Variants in SEMA6D observed in about 807,000 individuals in gnomAD.
SEMA6D encodes the protein semaphorin 6D.
SEMA6D carries 35 observed loss-of-function variants against 106.6 expected under a neutral mutation model. That is an observed-to-expected ratio of 0.33 (90% CI 0.25 to 0.44). The LOEUF is 0.44. SEMA6D is among the 20% of genes least tolerant of loss of function. The pLI is 1.00. For missense variants in SEMA6D, 1,185 were observed against 1,345.9 expected (o/e 0.88, Z 1.87); for synonymous variants, 499 against 487.7 (o/e 1.02, Z -0.31).
chr15:47,272,999 C>T (rs545628293), intron 1 of SEMA6D: 3 of 152,132 alleles, frequency 2.0e-5, no homozygotes, highest in Non-Finnish European at 4.4e-5. Context: ...CCCAAGATCC[C>T]CTCAATTTCC....
intron 1 of SEMA6D, among the ~76,000 whole-genome samples, chr15:47,736,633 TC>T (rs1363448798): frequency 6.6e-6 from 1 of 152,194 alleles, no homozygotes; most frequent in Non-Finnish European, 1.5e-5. Context: ...TGTCCTTACT[TC>T]CTGCTGTCAT....
At chr15:47,291,926 C>T (rs80142847) in intron 1 of SEMA6D, among the ~76,000 whole-genome samples, 3,407 of 152,220 alleles carry the variant, frequency 0.022, 130 homozygotes, top group African/African-American at 0.078. Flanking sequence ...CCTCTGTTCT[C>T]GCGTGAAATC....
intron 1 of SEMA6D, among the ~76,000 whole-genome samples, chr15:47,354,940 T>A (rs2038507913): frequency 6.6e-6 from 1 of 152,202 alleles, no homozygotes; most frequent in Admixed American, 6.5e-5. Context: ...GTTCCATGAA[T>A]TCATCAGATG....
intron 3 of SEMA6D, among the ~76,000 whole-genome samples, chr15:47,520,706 A>G (rs1045338092): frequency 6.6e-6 from 1 of 152,198 alleles, no homozygotes; most frequent in Non-Finnish European, 1.5e-5. Flanking sequence ...ATGGTGTGAG[A>G]CAGAAGAGTG....
chr15:47,416,859 C>G lies in SEMA6D; in HGVS notation c.-159+4387C>G, dbSNP rs531466084. 1.4e-4 allele frequency among the ~76,000 whole-genome samples: 21 copies of G among 152,178 alleles called. No individual in the cohort carries two copies. In the East Asian group the frequency reaches 4.1e-3, roughly 29 times the overall value. ...CACCCCCTATTACTTTGCAGCTGAT[C>G]AAAATAGCCCATGACTAACAATAGG... On this transcript the variant is annotated intron_variant, in intron 2 of 19. Coordinates refer to the SEMA6D transcript ENST00000558014.
intron 1 of SEMA6D, among the ~76,000 whole-genome samples, chr15:47,281,595 C>G (rs987223518): frequency 1.3e-5 from 2 of 151,906 alleles, no homozygotes; most frequent in East Asian, 1.9e-4. Flanking sequence ...TTATTTTGCT[C>G]GTTAGTTGAT....
chr15:47,540,262 T>A (rs2045314010), intron 3 of SEMA6D, among the ~76,000 whole-genome samples: 1 of 152,132 alleles, frequency 6.6e-6, no homozygotes, highest in Non-Finnish European at 1.5e-5. Flanking sequence ...ATAAACGAGA[T>A]TTGCCTGTAG....
At chr15:47,471,160 C>T (rs1342776099) in intron 3 of SEMA6D, among the ~76,000 whole-genome samples, 2 of 152,038 alleles carry the variant, frequency 1.3e-5, no homozygotes, top group Non-Finnish European at 1.5e-5. Flanking sequence ...CCAGGGCAGT[C>T]GACAATTCTA....
chr15:47,419,673 G>T (rs962209093), intron 2 of SEMA6D, among the ~76,000 whole-genome samples: 1 of 152,100 alleles, frequency 6.6e-6, no homozygotes, highest in Middle Eastern at 3.2e-3. Context: ...TAGTGGAATG[G>T]GCGTTATCTG....
At chr15:47,597,806 G>T (rs571478261) in intron 3 of SEMA6D, among the ~76,000 whole-genome samples, 14 of 150,378 alleles carry the variant, frequency 9.3e-5, no homozygotes, top group Admixed American at 2.0e-4. Context: ...TAAGTTGATG[G>T]ATATGAAATT....
chr15:47,498,946 G>A (rs1312401947), intron 3 of SEMA6D, among the ~76,000 whole-genome samples: 1 of 152,132 alleles, frequency 6.6e-6, no homozygotes, highest in Non-Finnish European at 1.5e-5. Context: ...GTATGTAACA[G>A]CAAACTTTAT....
At chr15:47,750,911 A>G (rs1762879586) in intron 1 of SEMA6D, among the ~76,000 whole-genome samples, 1 of 152,166 alleles carries the variant, frequency 6.6e-6, no homozygotes, top group South Asian at 2.1e-4. Context: ...GATTCCTTAA[A>G]TGAAAAAGCC....
At chr15:47,526,772 T>C (rs932067840) in intron 3 of SEMA6D, among the ~76,000 whole-genome samples, 2 of 152,122 alleles carry the variant, frequency 1.3e-5, no homozygotes, top group South Asian at 2.1e-4. Flanking sequence ...AGTCTCGCAC[T>C]GTCACCTAGG....
chr15:47,551,621 C>A (rs187283907), intron 3 of SEMA6D, among the ~76,000 whole-genome samples: 2 of 151,596 alleles, frequency 1.3e-5, no homozygotes, highest in African/African-American at 2.4e-5. Context: ...AGGGCAAATA[C>A]TTGACTGATA....
At chr15:47,367,548 T>C (rs904779301) in intron 1 of SEMA6D, among the ~76,000 whole-genome samples, 4 of 152,206 alleles carry the variant, frequency 2.6e-5, no homozygotes, top group Non-Finnish European at 5.9e-5. Context: ...ATTATAATTT[T>C]ATTTTTTCCT....
At chr15:47,272,212 G>A (rs1279569977) in intron 1 of SEMA6D, among the ~76,000 whole-genome samples, 3 of 152,274 alleles carry the variant, frequency 2.0e-5, no homozygotes, top group Admixed American at 1.3e-4. Context: ...TGAAAATTTG[G>A]TAAGGACTTT....
At chr15:47,744,747 A>G (rs1179065896) in intron 1 of SEMA6D, among the ~76,000 whole-genome samples, 1 of 152,254 alleles carries the variant, frequency 6.6e-6, no homozygotes, top group Non-Finnish European at 1.5e-5. Context: ...CTCCTGTCTC[A>G]GGGTACAGAG....
chr15:47,252,153 G>A (rs932947948), intron 1 of SEMA6D, among the ~76,000 whole-genome samples: 7 of 145,260 alleles, frequency 4.8e-5, no homozygotes, highest in African/African-American at 1.8e-4. Flanking sequence ...TCCTGACCTC[G>A]TGATCCGCCC....
intron 1 of SEMA6D, among the ~76,000 whole-genome samples, chr15:47,387,295 G>A (rs1456952048): frequency 6.6e-6 from 1 of 152,154 alleles, no homozygotes; most frequent in Non-Finnish European, 1.5e-5. Flanking sequence ...TTAAGGTTGA[G>A]GTGCATTAAA....
Sources: allele counts gnomAD v4.1 joint callset (sites outside exome capture counted in the v4.1 genomes callset), GRCh38; gene constraint gnomAD v4.1.1; transcripts MANE v1.5; gene names NCBI Gene and HGNC (gene_info 2026-07-23, HGNC 2026-07-21).